Variants in CSMD1 observed in about 807,000 individuals in gnomAD.
CSMD1 encodes the protein CUB and Sushi multiple domains 1.
In CSMD1, 213 loss-of-function variants were observed where a neutral mutation model predicts 417.5. The observed-to-expected ratio is 0.51, with a 90% CI of 0.46 to 0.57. CSMD1 has a LOEUF of 0.57. Ranked by LOEUF, CSMD1 falls within the 20% of genes least tolerant of loss-of-function variation. The pLI is 0.00. For synonymous variants in CSMD1, 2,862 were observed against 1,736.8 expected (o/e 1.65, Z -16.11); for missense variants, 6,923 against 4,529.7 (o/e 1.53, Z -15.17).
intron 1 of CSMD1, among the ~76,000 whole-genome samples, chr8:4,641,534 T>A (rs1803188874): frequency 6.6e-6 from 1 of 152,114 alleles, no homozygotes. Context: ...TAGCCACACA[T>A]CATGATTTTT....
At chr8:3,412,587 G>A (rs1167339371) in intron 12 of CSMD1, among the ~76,000 whole-genome samples, 1 of 152,284 alleles carries the variant, frequency 6.6e-6, no homozygotes, top group East Asian at 1.9e-4. Flanking sequence ...TGAAGCAGAA[G>A]AGCACACACA....
chr8:3,987,442 G>A (rs889012330), intron 5 of CSMD1, among the ~76,000 whole-genome samples: 1 of 152,150 alleles, frequency 6.6e-6, no homozygotes, highest in Non-Finnish European at 1.5e-5. Context: ...ACAGTGGTAG[G>A]TTTCTGACTT....
At chr8:3,022,021 G>GA (rs1563247590) in intron 51 of CSMD1, among the ~76,000 whole-genome samples, 1 of 143,050 alleles carries the variant, frequency 7.0e-6, no homozygotes, top group Non-Finnish European at 1.5e-5. Flanking sequence ...ACAGCATCCA[G>GA]AATGCACCTG....
chr8:3,839,539 T>C (rs1014821726), intron 5 of CSMD1, among the ~76,000 whole-genome samples: 13 of 127,860 alleles, frequency 1.0e-4, no homozygotes, highest in Non-Finnish European at 1.9e-4. Context: ...GTTAAGATTT[T>C]ATATATTATA....
At chr8:4,641,661 A>G (rs2130869205) in intron 1 of CSMD1, among the ~76,000 whole-genome samples, 1 of 152,286 alleles carries the variant, frequency 6.6e-6, no homozygotes, top group East Asian at 1.9e-4. Context: ...TTATATCTCC[A>G]CGAACAAACA....
At chr8:4,658,874 G>C (rs1804404568) in intron 1 of CSMD1, among the ~76,000 whole-genome samples, 1 of 152,124 alleles carries the variant, frequency 6.6e-6, no homozygotes, top group South Asian at 2.1e-4. Flanking sequence ...GGAGTCTAGA[G>C]CTATATAGGA....
rs180943657 is a variant in CSMD1, at chr8:3,379,794, C to T, written c.2782+7700G>A. The stretch of plus-strand genomic sequence containing the variant: ...ACATAAGACCTAAAACCATAAAAAC[C>T]CTAGAAGAAAACATAAGCAATACAA... On this transcript the variant is annotated intron_variant, in intron 18 of 69. Coordinates refer to ENST00000635120, the MANE Select transcript of CSMD1 (RefSeq NM_033225.6). Among the ~76,000 whole-genome samples the T allele has an allele frequency of 4.7e-4, 72 of 152,150 alleles. 2 individuals are homozygous for T. In the South Asian group the frequency reaches 0.015, roughly 31 times the overall value.
intron 1 of CSMD1, among the ~76,000 whole-genome samples, chr8:4,751,870 T>C (rs1047606214): frequency 6.6e-6 from 1 of 152,202 alleles, no homozygotes; most frequent in African/African-American, 2.4e-5. Flanking sequence ...GTGTGCAGTT[T>C]AGTTTCCAAT....
intron 5 of CSMD1, among the ~76,000 whole-genome samples, chr8:3,966,851 T>C (rs565629825): frequency 1.3e-5 from 2 of 152,294 alleles, no homozygotes; most frequent in South Asian, 4.1e-4. Flanking sequence ...GACACTAAGC[T>C]CTATTATGCT....
At chr8:4,969,324 G>T (rs991495816) in intron 1 of CSMD1, among the ~76,000 whole-genome samples, 1 of 151,760 alleles carries the variant, frequency 6.6e-6, no homozygotes, top group Non-Finnish European at 1.5e-5. Context: ...TTAAATATCA[G>T]AATATTGGCA....
chr8:3,580,770 C>T (rs1800348572), intron 9 of CSMD1, among the ~76,000 whole-genome samples: 1 of 152,132 alleles, frequency 6.6e-6, no homozygotes, highest in African/African-American at 2.4e-5. Flanking sequence ...TATCCTGACA[C>T]TGGATCTATA....
chr8:4,328,247 T>A (rs970169455), intron 3 of CSMD1, among the ~76,000 whole-genome samples: 8 of 65,088 alleles, frequency 1.2e-4, no homozygotes, highest in Non-Finnish European at 1.6e-4. Context: ...ATACAATTTT[T>A]TTTTTTTTTT....
intron 2 of CSMD1, among the ~76,000 whole-genome samples, chr8:4,442,957 C>T (rs1051456047): frequency 3.3e-5 from 5 of 152,132 alleles, no homozygotes; most frequent in Non-Finnish European, 5.9e-5. Flanking sequence ...ATCTACAGCA[C>T]CACAGGTATC....
chr8:3,764,367 A>G (rs1000848281), intron 5 of CSMD1, among the ~76,000 whole-genome samples: 2 of 152,192 alleles, frequency 1.3e-5, no homozygotes, highest in African/African-American at 4.8e-5. Flanking sequence ...ACCACATTAC[A>G]TAACTCTGAT....
chr8:4,466,559 G>A (rs1041762695), intron 2 of CSMD1, among the ~76,000 whole-genome samples: 2 of 152,144 alleles, frequency 1.3e-5, no homozygotes, highest in African/African-American at 4.8e-5. Context: ...GCAAAAATGG[G>A]CAAACAAATG....
At chr8:3,267,472 C>G (rs1359044310) in intron 26 of CSMD1, among the ~76,000 whole-genome samples, 3 of 152,164 alleles carry the variant, frequency 2.0e-5, no homozygotes, top group Non-Finnish European at 2.9e-5. Flanking sequence ...CACTGGTAAA[C>G]AAGCTGCCAG....
intron 2 of CSMD1, among the ~76,000 whole-genome samples, chr8:4,539,620 G>C (rs909012994): frequency 1.3e-5 from 2 of 152,154 alleles, no homozygotes; most frequent in African/African-American, 2.4e-5. Flanking sequence ...AGAGTTTGAT[G>C]TACCACAGGT....
chr8:3,362,634 T>C (rs1025057971), intron 20 of CSMD1, among the ~76,000 whole-genome samples: 4 of 152,192 alleles, frequency 2.6e-5, no homozygotes, highest in African/African-American at 9.7e-5. Context: ...CTGAAGACTC[T>C]TGTCAATCAC....
chr8:4,221,225 C>A (rs1197858246), intron 3 of CSMD1, among the ~76,000 whole-genome samples: 1 of 152,074 alleles, frequency 6.6e-6, no homozygotes, highest in Non-Finnish European at 1.5e-5. Flanking sequence ...TCAAATACAA[C>A]ATATATAAAA....
Sources: allele counts gnomAD v4.1 joint callset (sites outside exome capture counted in the v4.1 genomes callset), GRCh38; gene constraint gnomAD v4.1.1; transcripts MANE v1.5; gene names NCBI Gene and HGNC (gene_info 2026-07-23, HGNC 2026-07-21).